ASB4: variants seen among roughly 807,000 people sequenced by gnomAD.
The protein encoded by ASB4 is ankyrin repeat and SOCS box containing 4.
Under a neutral mutation model 38.6 loss-of-function variants are expected in ASB4, and 35 were observed. That is an observed-to-expected ratio of 0.91 (90% CI 0.69 to 1.20). ASB4 has a LOEUF of 1.20. Among genes scored for constraint, ASB4 ranks in the 50% most tolerant of loss-of-function variants. The probability of loss-of-function intolerance (pLI) is 0.00; values close to 1 mark genes in which losing one functional copy is unlikely to be tolerated. For synonymous variants in ASB4, 195 were observed against 201.3 expected, an observed-to-expected ratio of 0.97 and a Z score of 0.26; for missense variants, 557 against 527.2, an observed-to-expected ratio of 1.06 and a Z score of -0.55.
chr7:95,498,610 A>G (rs1790285313), intron 2 of ASB4, among the ~76,000 whole-genome samples: 1 of 152,220 alleles, frequency 6.6e-6, no homozygotes, highest in Non-Finnish European at 1.5e-5. Context: ...TATCAGATAC[A>G]TAGTTTGCAC....
intron 2 of ASB4, among the ~76,000 whole-genome samples, chr7:95,519,521 T>C (rs533145308): frequency 6.6e-6 from 1 of 152,300 alleles, no homozygotes; most frequent in African/African-American, 2.4e-5. Context: ...AGCCCAGCAG[T>C]GTTTTGTACT....
At chr7:95,536,599 G>C in intron 4 of ASB4, 49 bp downstream of exon 4, 1 of 1,367,748 alleles carries the variant, frequency 7.3e-7, no homozygotes, top group Middle Eastern at 1.8e-4. Flanking sequence ...AGTACTTCCA[G>C]ACTGCTCTAG....
intron 1 of ASB4, chr7:95,478,632 A>T (rs1789998319): frequency 6.6e-6 from 1 of 152,170 alleles, no homozygotes; most frequent in Non-Finnish European, 1.5e-5. Flanking sequence ...AAATACTCTT[A>T]CATGAAAGGC....
At chr7:95,525,909 G>C (rs971117433) in intron 2 of ASB4, among the ~76,000 whole-genome samples, 88 of 152,284 alleles carry the variant, frequency 5.8e-4, no homozygotes, top group African/African-American at 2.0e-3. Flanking sequence ...CTTCCTTGGG[G>C]ACTGAGTTTG....
intron 1 of ASB4, among the ~76,000 whole-genome samples, chr7:95,490,133 A>T (rs1241011764): frequency 6.6e-6 from 1 of 152,198 alleles, no homozygotes; most frequent in Non-Finnish European, 1.5e-5. Context: ...TCATATTTTT[A>T]ATTAAAATAA....
At position 95,528,024 on chromosome 7, in the gene ASB4, G is replaced by C; in HGVS notation, c.699G>C (p.Leu233=). ...AGGAGTACAGCACGGAGCACCACCT[G>C]GTCTGCCGCATGCTGCTTGACTACA... is the stretch of plus-strand genomic sequence containing the variant. The part of the protein sequence containing the change: ...KEQEYSTEHH[L]VCRMLLDYKA... The change falls in exon 3 of 5, where the codon CTG becomes CTC. Residue 233 remains leucine, a synonymous_variant. Transcript: ENST00000325885. 6.2e-7 allele frequency: 1 copy of C among 1,614,102 alleles called. No homozygotes were observed. Among genetic ancestry groups the C allele is most frequent in the Non-Finnish European group, 8.5e-7 (1 of 1,180,022 alleles).
chr7:95,506,451 G>A (rs1459996994), intron 2 of ASB4, among the ~76,000 whole-genome samples: 1 of 151,988 alleles, frequency 6.6e-6, no homozygotes, highest in Non-Finnish European at 1.5e-5. Context: ...GGTTAGATAT[G>A]TCCTCTGGTA....
At chr7:95,482,692 A>T (rs564315175), upstream of ASB4, among the ~76,000 whole-genome samples, 1 of 152,202 alleles carries the variant, frequency 6.6e-6, no homozygotes, top group Non-Finnish European at 1.5e-5. Context: ...AGGCTTGCTG[A>T]CGTAGGGAGA....
At chr7:95,514,191 A>C (rs566425975) in intron 2 of ASB4, among the ~76,000 whole-genome samples, 4 of 152,136 alleles carry the variant, frequency 2.6e-5, no homozygotes, top group African/African-American at 9.6e-5. Context: ...ACCCTCTCTT[A>C]ACGTCATTTC....
chr7:95,548,282 T>G, the ASB4 span, among the ~76,000 whole-genome samples: 1 of 152,246 alleles, frequency 6.6e-6, no homozygotes, highest in Non-Finnish European at 1.5e-5. Context: ...GATAAGTCTC[T>G]GTACTTTTCA....
intron 3 of ASB4, among the ~76,000 whole-genome samples, chr7:95,532,707 C>G (rs1480389034): frequency 6.6e-6 from 1 of 152,094 alleles, no homozygotes; most frequent in Non-Finnish European, 1.5e-5. Flanking sequence ...GAAGACTTAC[C>G]TTGAATCTCT....
chr7:95,536,561 G>A lies in ASB4; in HGVS notation c.1092+11G>A, dbSNP rs146658149. 1.4e-4 allele frequency: 223 copies of A among 1,560,300 alleles called. No homozygotes were observed. In the African/African-American group the frequency reaches 2.5e-3, roughly 18 times the overall value. On this transcript the variant is annotated intron_variant, in intron 4 of 4. Coordinates refer to ENST00000325885, the MANE Select transcript of ASB4 (RefSeq NM_016116.3). ...GATGATGACTTGGAGGTAAATAATC[G>A]ATTCCCTTCTAATAGTTTTCACTAT...
At chr7:95,547,702 A>C in the ASB4 span, among the ~76,000 whole-genome samples, 1 of 152,224 alleles carries the variant, frequency 6.6e-6, no homozygotes. Flanking sequence ...TAAACATTTA[A>C]GTTAATAGGT....
At chr7:95,521,501 A>G (rs113928706) in intron 2 of ASB4, among the ~76,000 whole-genome samples, 2,027 of 152,208 alleles carry the variant, frequency 0.013, 24 homozygotes, top group Non-Finnish European at 0.02. Context: ...GATGAATATA[A>G]TTTAATATGG....
intron 1 of ASB4, among the ~76,000 whole-genome samples, chr7:95,495,357 A>G (rs963133997): frequency 2.0e-5 from 3 of 152,100 alleles, no homozygotes; most frequent in East Asian, 1.9e-4. Flanking sequence ...TTCAAGACAA[A>G]CTCTCAATGA....
upstream of ASB4, among the ~76,000 whole-genome samples, chr7:95,483,295 G>A (rs1790039488): frequency 6.6e-6 from 1 of 152,160 alleles, no homozygotes; most frequent in African/African-American, 2.4e-5. Flanking sequence ...GGCCATACTG[G>A]TAATTTATGA....
chr7:95,511,247 C>T (rs947129596), intron 2 of ASB4, among the ~76,000 whole-genome samples: 12 of 152,062 alleles, frequency 7.9e-5, no homozygotes, highest in Non-Finnish European at 1.6e-4. Context: ...GTTGACAGCC[C>T]GCCCCTACCG....
intron 2 of ASB4, among the ~76,000 whole-genome samples, chr7:95,515,048 T>C (rs1486653387): frequency 1.3e-5 from 2 of 152,192 alleles, no homozygotes; most frequent in Non-Finnish European, 2.9e-5. Context: ...ACAACTGTGG[T>C]CCTCCACACA....
chr7:95,527,863 C>T lies in ASB4; in HGVS notation c.538C>T (p.His180Tyr), dbSNP rs757263911. 6.2e-7 allele frequency: 1 copy of T among 1,612,676 alleles called. No homozygotes were observed. The highest frequency in any genetic ancestry group is 8.5e-7 in the Non-Finnish European group (1 of 1,179,008). ...CAACCAAGATGAGGAGACGCCCTTG[C>T]ACACGGCTGCCCACTTCGGCCTTTC... The part of the protein sequence containing the change: ...TNNQDEETPL[H>Y]TAAHFGLSEL... The change falls in exon 3 of 5, where the codon CAC (histidine) becomes TAC (tyrosine). Residue 180 changes from histidine to tyrosine, a missense_variant. His to Tyr is a moderately conservative substitution (Grantham distance 83). Coordinates refer to ENST00000325885, the MANE Select transcript of ASB4 (RefSeq NM_016116.3).
Sources: allele counts gnomAD v4.1 joint callset (sites outside exome capture counted in the v4.1 genomes callset), GRCh38; gene constraint gnomAD v4.1.1; transcripts MANE v1.5; gene names NCBI Gene and HGNC (gene_info 2026-07-23, HGNC 2026-07-21).